Variants in SLC14A1 observed in about 807,000 individuals in gnomAD.
SLC14A1 encodes the protein solute carrier family 14 member 1 (Kidd blood group).
Under a neutral mutation model 39.6 loss-of-function variants are expected in SLC14A1, and 36 were observed. The observed-to-expected ratio is 0.91, with a 90% CI of 0.70 to 1.20. The LOEUF is 1.20. SLC14A1 is among the 50% of genes most tolerant of loss of function. The pLI is 0.00. For missense variants in SLC14A1, 469 were observed against 478.7 expected (o/e 0.98, Z 0.19); for synonymous variants, 164 against 173.6 (o/e 0.94, Z 0.43).
At position 45,750,681 on chromosome 18, in the gene SLC14A1, T is replaced by C. The variant is rs1271967310; in HGVS notation, c.*730T>C. On this transcript the variant is annotated 3_prime_UTR_variant, in exon 10 of 10. Coordinates refer to ENST00000321925, the MANE Select transcript of SLC14A1 (RefSeq NM_015865.7). ...TTTAGGTAGAGATTATTTTTCCTTATGAAAAATGATCTGTTTTAAATGAGA... is the reference window on the plus strand; with the variant it reads ...TTTAGGTAGAGATTATTTTTCCTTACGAAAAATGATCTGTTTTAAATGAGA... The C allele has an allele frequency of 3.0e-6, 3 of 985,156 alleles. No homozygotes were observed. Among genetic ancestry groups the C allele is most frequent in the Non-Finnish European group, 3.6e-6 (3 of 829,572 alleles). The allele number at this position is 985,156 out of a possible 1,614,324, so 61.0% of individuals were successfully genotyped here.
intron 6 of SLC14A1, among the ~76,000 whole-genome samples, chr18:45,736,909 A>T (rs2047214160): frequency 7.1e-6 from 1 of 140,890 alleles, no homozygotes; most frequent in African/African-American, 2.5e-5. Flanking sequence ...GTACAGTTCC[A>T]CTGGGAGTCA....
chr18:45,751,808 A>G lies in SLC14A1; in HGVS notation c.*1857A>G, dbSNP rs1188031042. On this transcript the variant is annotated 3_prime_UTR_variant, in exon 10 of 10. Coordinates refer to ENST00000321925, the MANE Select transcript of SLC14A1 (RefSeq NM_015865.7). The stretch of plus-strand genomic sequence containing the variant: ...AAAAAATTAATTAATTAATTAATTA[A>G]TTAATTTAAAAAGGAAGTCATGTTC... The G allele has an allele frequency of 2.2e-6, 2 of 913,996 alleles. No homozygotes were observed. The highest frequency in any genetic ancestry group is 2.6e-6 in the Non-Finnish European group (2 of 765,480). 56.6% of individuals were successfully genotyped at this position (913,996 alleles called of 1,614,324 possible).
Position 45,739,515 on chromosome 18 carries a change from C to G in SLC14A1, c.812-13C>G, listed in dbSNP as rs1370687559. The G allele has an allele frequency of 1.9e-6, 3 of 1,614,202 alleles. No individual in the cohort carries two copies. The highest frequency in any genetic ancestry group is 1.1e-5 in the South Asian group (1 of 91,090). ...CCTTTAGTCCTGAGTTCTGACCCCT[C>G]CTGTCTTAACAGGACTCAGTCTTTC... On this transcript the variant is annotated splice_polypyrimidine_tract_variant and intron_variant, in intron 7 of 9. Transcript: ENST00000321925.
intron 8 of SLC14A1, among the ~76,000 whole-genome samples, chr18:45,745,785 C>T (rs527598843): frequency 6.6e-6 from 1 of 152,280 alleles, no homozygotes; most frequent in Admixed American, 6.5e-5. Flanking sequence ...ACTGGGCCCC[C>T]ACAAGGTACA....
intron 1 of SLC14A1, 88 bp from the exon 2 acceptor site, chr18:45,724,862 C>T (rs1488041440): frequency 6.6e-6 from 1 of 152,200 alleles, no homozygotes; most frequent in Admixed American, 6.5e-5. Flanking sequence ...GGAATCAAGA[C>T]TTCTGGGAGT....
intron 3 of SLC14A1, 111 bp from the exon 4 acceptor site, chr18:45,730,904 C>A (rs1393723936): frequency 8.6e-6 from 8 of 929,052 alleles, no homozygotes; most frequent in Non-Finnish European, 1.4e-5. Context: ...AAAGAAATAT[C>A]AAAAATGTTT....
intron 2 of SLC14A1, chr18:45,729,416 C>T (rs941952302): frequency 7.2e-5 from 11 of 152,208 alleles, no homozygotes; most frequent in Admixed American, 2.0e-4. Context: ...TTGGTGCTTT[C>T]TTGCAGCTAC....
At chr18:45,731,287 C>T in intron 4 of SLC14A1, 83 bp downstream of exon 4, 1 of 1,290,482 alleles carries the variant, frequency 7.7e-7, no homozygotes, top group Non-Finnish European at 1.1e-6. Flanking sequence ...GTGATAAAAC[C>T]ACATCCTTCC....
In SLC14A1 at chr18:45,736,356, G is replaced by A. The variant is rs997575087; in HGVS notation, c.471-100G>A. On this transcript the variant is annotated intron_variant, in intron 5 of 9. Transcript: ENST00000321925. ...AATGTGCCAACACAACACGTAAGGGGCCTGTTGGCAGGTGAAACAAAGCCC... is the reference window on the plus strand; with the variant it reads ...AATGTGCCAACACAACACGTAAGGGACCTGTTGGCAGGTGAAACAAAGCCC... 7 of 1,112,712 alleles carry A rather than the reference G, an allele frequency of 6.3e-6. No individual in the cohort carries two copies. The Admixed American group carries it at 6.8e-5, about 11-fold the overall frequency. 68.9% of individuals were successfully genotyped at this position (1,112,712 alleles called of 1,614,324 possible).
chr18:45,730,196 A>T, intron 2 of SLC14A1, 104 bp from the exon 3 acceptor site: 1 of 1,250,106 alleles, frequency 8.0e-7, no homozygotes, highest in Non-Finnish European at 1.1e-6. Context: ...TCTTAGTTCT[A>T]TGGAACATAG....
rs1173778026 is a variant in SLC14A1 at position 45,752,336 on chromosome 18, G to A, written c.*2385G>A. 2 of 569,070 alleles carry A rather than the reference G, an allele frequency of 3.5e-6. No individual in the cohort carries two copies. The highest frequency in any genetic ancestry group is 7.8e-5 in the South Asian group (1 of 12,884). The allele number at this position is 569,070 out of a possible 1,614,324, so 35.3% of individuals were successfully genotyped here. A position where few individuals can be genotyped will look rare whatever the true frequency, so the allele number is the denominator to read the frequency against. ...GATCTACCATGCAGGAGCTTCTTGTGCTCACACAAATCTGTAAATGGGAAC... is the reference window on the plus strand; with the variant it reads ...GATCTACCATGCAGGAGCTTCTTGTACTCACACAAATCTGTAAATGGGAAC... On this transcript the variant is annotated 3_prime_UTR_variant, in exon 10 of 10. Coordinates refer to ENST00000321925, the MANE Select transcript of SLC14A1 (RefSeq NM_015865.7).
intron 6 of SLC14A1, among the ~76,000 whole-genome samples, chr18:45,736,928 T>C (rs2047215001): frequency 1.1e-5 from 1 of 88,294 alleles, no homozygotes; most frequent in African/African-American, 3.4e-5. Context: ...CACTCTATCG[T>C]AAGCTTGGGG....
chr18:45,735,807 G>T (rs1156880427), intron 5 of SLC14A1, among the ~76,000 whole-genome samples: 2 of 152,220 alleles, frequency 1.3e-5, no homozygotes, highest in Non-Finnish European at 2.9e-5. Flanking sequence ...GTCTTTAAGT[G>T]ATGGCTCTTT....
chr18:45,746,158 T>C (rs549649207), intron 8 of SLC14A1, among the ~76,000 whole-genome samples: 2 of 152,260 alleles, frequency 1.3e-5, no homozygotes, highest in African/African-American at 4.8e-5. Context: ...TTCCCAATGG[T>C]TGGGTTATCG....
intron 8 of SLC14A1, among the ~76,000 whole-genome samples, chr18:45,740,903 A>G (rs1221589347): frequency 6.6e-6 from 1 of 152,120 alleles, no homozygotes; most frequent in Non-Finnish European, 1.5e-5. Context: ...ACATTTCAAG[A>G]ACTGCTGTAT....
At chr18:45,748,506 G>T in intron 9 of SLC14A1, 81 bp downstream of exon 9, 1 of 1,414,606 alleles carries the variant, frequency 7.1e-7, no homozygotes, top group South Asian at 1.2e-5. Flanking sequence ...GAAGTCCACT[G>T]GGCTGGCATC....
At position 45,751,130 on chromosome 18, in the gene SLC14A1, A is replaced by T; in HGVS notation, c.*1179A>T. 1 of 663,322 alleles carries T rather than the reference A, an allele frequency of 1.5e-6. No homozygotes were observed. The highest frequency in any genetic ancestry group is 1.9e-6 in the Non-Finnish European group (1 of 535,914). 41.1% of individuals were successfully genotyped at this position (663,322 alleles called of 1,614,324 possible). On this transcript the variant is annotated 3_prime_UTR_variant, in exon 10 of 10. Coordinates refer to ENST00000321925, the MANE Select transcript of SLC14A1 (RefSeq NM_015865.7). ...CCAGGCGGGCAGATTGCTTGAACCC[A>T]GGAGTTCAAGACCAGCCTGGGCAGC...
rs1176647669 is a variant in SLC14A1 at position 45,730,444 on chromosome 18, A to G, written c.124A>G (p.Met42Val). The change falls in exon 3 of 10, where the codon ATG becomes GTG. Residue 42 changes from methionine (M) to valine (V), a missense_variant. Physicochemically the swap from Met to Val is conservative, Grantham distance 21 (BLOSUM62 1). Coordinates refer to ENST00000321925, the MANE Select transcript of SLC14A1 (RefSeq NM_015865.7). ...AGCTCTTGGCTATGTCACCGGTGAC[A>G]TGAAAGAACTTGCCAACCAGCTTAA... is the stretch of plus-strand genomic sequence containing the variant. ...PKALGYVTGD[M>V]KELANQLKDK... 1.2e-6 allele frequency: 2 copies of G among 1,614,256 alleles called. No homozygotes were observed. Among genetic ancestry groups the G allele is most frequent in the Non-Finnish European group, 1.7e-6 (2 of 1,180,032 alleles).
At chr18:45,739,382 G>A (rs2144803076) in intron 7 of SLC14A1, 72 bp downstream of exon 7, 1 of 1,611,328 alleles carries the variant, frequency 6.2e-7, no homozygotes, top group Non-Finnish European at 8.5e-7. Context: ...CATCTTCTGT[G>A]CTCCAGATCT....
Sources: allele counts gnomAD v4.1 joint callset (sites outside exome capture counted in the v4.1 genomes callset), GRCh38; gene constraint gnomAD v4.1.1; transcripts MANE v1.5; gene names NCBI Gene and HGNC (gene_info 2026-07-23, HGNC 2026-07-21).